The following KLHDC7B variants were observed in gnomAD, a reference collection of about 807,000 sequenced individuals.
The protein encoded by KLHDC7B is kelch domain-containing protein 7B.
KLHDC7B carries 1 observed loss-of-function variant against 0.6 expected under a neutral mutation model. The observed-to-expected ratio is 1.71, with a 90% CI of 0.61 to 8.11. The LOEUF is 8.11. Ranked by LOEUF, KLHDC7B falls within the 30% of genes most tolerant of loss-of-function variation. The pLI, the probability that KLHDC7B is intolerant of heterozygous loss-of-function variation, is 0.13. For missense variants in KLHDC7B, 993 were observed against 894.9 expected (o/e 1.11, Z -1.40); for synonymous variants, 462 against 405.2 (o/e 1.14, Z -1.68).
In KLHDC7B at chr22:50,548,782, C is replaced by T. The variant is rs776418848; in HGVS notation, c.2539C>T (p.Leu847=). The T allele has an allele frequency of 1.4e-6, 2 of 1,455,694 alleles. No individual in the cohort carries two copies. Among genetic ancestry groups the T allele is most frequent in the Non-Finnish European group, 9.0e-7 (1 of 1,109,694 alleles). 90.2% of individuals were successfully genotyped at this position (1,455,694 alleles called of 1,614,324 possible). The change falls in exon 1 of 1, where the codon CTG becomes TTG. Residue 847 remains leucine, a synonymous_variant. Coordinates refer to ENST00000648057, the MANE Select transcript of KLHDC7B (RefSeq NM_138433.5). This position sits in a 1 kb window ranked among gnomAD's most constrained non-coding sequence, Gnocchi z 5.3. ...EGPRKPSSRA[L]EPATAAALRR... ...GCCCCGGAAGCCCAGCTCCCGGGCC[C>T]TGGAGCCCGCCACGGCGGCAGCCCT... is the stretch of plus-strand genomic sequence containing the variant.
Position 50,548,528 on chromosome 22 carries a change from C to A in KLHDC7B, c.2285C>A (p.Ala762Glu), listed in dbSNP as rs777583262. 7 of 1,553,606 alleles carry A rather than the reference C, an allele frequency of 4.5e-6. No homozygotes were observed. The East Asian group carries it at 9.6e-5, about 21-fold the overall frequency. Residue 762 changes from alanine (A) to glutamate (E), a missense_variant, in exon 1 of 1, where the codon GCG (alanine) becomes GAG (glutamate). By Grantham distance (107) the Ala-to-Glu change is moderately radical. Transcript: ENST00000648057. This position sits in a 1 kb window ranked among gnomAD's most constrained non-coding sequence, Gnocchi z 5.3. Reference protein sequence around the residue: ...RPPGPAASSSARRSQPVPQLR... With the variant: ...RPPGPAASSSERRSQPVPQLR... ...CCTGGCCCCGCGGCCTCCTCCTCTGCGAGGCGCTCACAGCCGGTACCCCAG... is the reference window on the plus strand; with the variant it reads ...CCTGGCCCCGCGGCCTCCTCCTCTGAGAGGCGCTCACAGCCGGTACCCCAG...
chr22:50,547,754 C>T lies in KLHDC7B; in HGVS notation c.1511C>T (p.Ser504Leu). ...SATTSTSSPT[S>L]APAPAPTSAP... ...ACCACCTCAACCTCATCCCCCACCTCAGCCCCAGCCCCAGCTCCAACCTCA... is the reference window on the plus strand; with the variant it reads ...ACCACCTCAACCTCATCCCCCACCTTAGCCCCAGCCCCAGCTCCAACCTCA... Residue 504 changes from serine (S) to leucine (L), a missense_variant, in exon 1 of 1, where the codon TCA (serine) becomes TTA (leucine). Ser to Leu is a moderately radical substitution (Grantham distance 145, BLOSUM62 -2). Coordinates refer to ENST00000648057, the MANE Select transcript of KLHDC7B (RefSeq NM_138433.5). 2.0e-6 allele frequency: 1 copy of T among 501,094 alleles called. No individual in the cohort carries two copies. Among genetic ancestry groups the T allele is most frequent in the South Asian group, 3.3e-5 (1 of 30,090 alleles). 31.0% of individuals were successfully genotyped at this position (501,094 alleles called of 1,614,324 possible). A position where few individuals can be genotyped will look rare whatever the true frequency, so the allele number is the denominator to read the frequency against.
Position 50,549,932 on chromosome 22 carries a change from G to C in KLHDC7B, c.3689G>C (p.Arg1230Pro). The C allele has an allele frequency of 6.4e-7, 1 of 1,572,624 alleles. No individual in the cohort carries two copies. The highest frequency in any genetic ancestry group is 8.7e-7 in the Non-Finnish European group (1 of 1,154,970). The part of the protein sequence containing the change: ...PFILTLPPED[R>P]LQTSL ...ATCCTGACTCTGCCCCCTGAGGACC[G>C]GCTGCAGACCTCACTCTGAGTGGCA... The change falls in exon 1 of 1, where the codon CGG becomes CCG. Residue 1230 changes from arginine to proline, a missense_variant. Physicochemically the swap from Arg to Pro is moderately radical, Grantham distance 103 (BLOSUM62 -2). Transcript: ENST00000648057.
chr22:50,549,191 C>T lies in KLHDC7B; in HGVS notation c.2948C>T (p.Ala983Val). 1 of 1,606,222 alleles carries T rather than the reference C, an allele frequency of 6.2e-7. No homozygotes were observed. Among genetic ancestry groups the T allele is most frequent in the Non-Finnish European group, 8.5e-7 (1 of 1,179,730 alleles). ...WRPLTQVPEE[A>V]PLRGCGLCTM... is the part of the protein sequence containing the mutation. Reference sequence around the variant, plus strand: ...CCCCTGACCCAGGTGCCCGAGGAGGCCCCGCTTCGGGGCTGCGGTCTCTGC... The same window carrying T: ...CCCCTGACCCAGGTGCCCGAGGAGGTCCCGCTTCGGGGCTGCGGTCTCTGC... The change falls in exon 1 of 1, where the codon GCC becomes GTC. Residue 983 changes from alanine to valine, a missense_variant. By Grantham distance (64) the Ala-to-Val change is moderately conservative. Transcript: ENST00000648057.
chr22:50,546,739 A>T lies in KLHDC7B; in HGVS notation c.496A>T (p.Ser166Cys), dbSNP rs2069733193. ...PRPGTALLGRSEAGGMSAPLL... is the reference protein window; with the variant it reads ...PRPGTALLGRCEAGGMSAPLL... ...GCCAGGCACTGCCCTCCTGGGCAGGAGCGAAGCAGGGGGGATGTCCGCCCC... is the reference window on the plus strand; with the variant it reads ...GCCAGGCACTGCCCTCCTGGGCAGGTGCGAAGCAGGGGGGATGTCCGCCCC... Residue 166 changes from serine (S) to cysteine (C), a missense_variant, in exon 1 of 1, where the codon AGC becomes TGC. Coordinates refer to ENST00000648057, the MANE Select transcript of KLHDC7B (RefSeq NM_138433.5). 6.6e-6 allele frequency among the ~76,000 whole-genome samples: 1 copy of T among 152,106 alleles called. No individual in the cohort carries two copies. Among genetic ancestry groups the T allele is most frequent in the Non-Finnish European group, 1.5e-5 (1 of 67,988 alleles).
Position 50,546,208 on chromosome 22 carries a change from C to T in KLHDC7B, c.-36C>T, listed in dbSNP as rs1308436254. Among the ~76,000 whole-genome samples, 1 of 152,232 alleles carries T rather than the reference C, an allele frequency of 6.6e-6. No individual in the cohort carries two copies. Among genetic ancestry groups the T allele is most frequent in the African/African-American group, 2.4e-5 (1 of 41,468 alleles). On this transcript the variant is annotated 5_prime_UTR_variant, in exon 1 of 1. The change creates a premature stop within an existing upstream ORF in the 5' untranslated region. Transcript: ENST00000648057. The stretch of plus-strand genomic sequence containing the variant: ...GGCCTCTGTGCTCTGCATGCACTGC[C>T]AGCCTGCCATCAGGCCTCTATTGCA...
At position 50,546,013 on chromosome 22, in the gene KLHDC7B, G is replaced by A. The variant is rs2069725222; in HGVS notation, c.-231G>A. ...TGGTGGGGTGCTTGCAGAGACCCTG[G>A]GCTCCTATCCTGCCATAAGCCTCGC... On this transcript the variant is annotated 5_prime_UTR_variant, in exon 1 of 1. Coordinates refer to ENST00000648057, the MANE Select transcript of KLHDC7B (RefSeq NM_138433.5). Among the ~76,000 whole-genome samples the A allele has an allele frequency of 6.6e-6, 1 of 152,062 alleles. No individual in the cohort carries two copies. Among genetic ancestry groups the A allele is most frequent in the Non-Finnish European group, 1.5e-5 (1 of 67,992 alleles).
Position 50,550,231 on chromosome 22 carries a change from A to C in KLHDC7B, c.*280A>C. The stretch of plus-strand genomic sequence containing the variant: ...TTGCTGACACCCCCCTGTCTGTGGG[A>C]CTCCCTATTCCCTAGAGCCAGGGAC... On this transcript the variant is annotated 3_prime_UTR_variant, in exon 1 of 1. Coordinates refer to ENST00000648057, the MANE Select transcript of KLHDC7B (RefSeq NM_138433.5). 3 of 428,336 alleles carry C rather than the reference A, an allele frequency of 7.0e-6. No homozygotes were observed. Among genetic ancestry groups the C allele is most frequent in the South Asian group, 6.3e-5 (1 of 15,984 alleles). 26.5% of individuals were successfully genotyped at this position (428,336 alleles called of 1,614,324 possible).
chr22:50,549,902 C>A lies in KLHDC7B; in HGVS notation c.3659C>A (p.Pro1220Gln). The change falls in exon 1 of 1, where the codon CCA becomes CAA. Residue 1220 changes from proline (P) to glutamine (Q), a missense_variant. Physicochemically the swap from Pro to Gln is moderately conservative, Grantham distance 76. Coordinates refer to ENST00000648057, the MANE Select transcript of KLHDC7B (RefSeq NM_138433.5). ...TTGGGGAGCACCGGGGTCCTCAGTC[C>A]ATTCATCCTGACTCTGCCCCCTGAG... The part of the protein sequence containing the change: ...FPLGSTGVLS[P>Q]FILTLPPEDR... 6.3e-7 allele frequency: 1 copy of A among 1,589,948 alleles called. No homozygotes were observed. The highest frequency in any genetic ancestry group is 2.3e-5 in the East Asian group (1 of 43,866).
At position 50,549,744 on chromosome 22, in the gene KLHDC7B, G is replaced by GCCCCCCCC; in HGVS notation, c.1581_1582insCCCCCCCC (p.Ala528ProfsTer58). On this transcript the variant is annotated frameshift_variant, in exon 1 of 1. Transcript: ENST00000395676. LOFTEE classifies it low-confidence loss of function (END_TRUNC). ...GGAGCAGGGCTGCCTCCCTGCCCCT[G>GCCCCCCCC]CCCGCCCCCGCCCCACTGCACTGCA... is the stretch of plus-strand genomic sequence containing the variant. 3.9e-6 allele frequency: 6 copies of GCCCCCCCC among 1,554,572 alleles called. No individual in the cohort carries two copies. Among genetic ancestry groups the GCCCCCCCC allele is most frequent in the South Asian group, 2.3e-5 (2 of 87,650 alleles).
rs375918498 is a variant in KLHDC7B, at chr22:50,549,125, C to T, written c.2882C>T (p.Ala961Val). Reference protein sequence around the residue: ...AAAPVSLPLPAHLHVFNPREN... With the variant: ...AAAPVSLPLPVHLHVFNPREN... Reference sequence around the variant, plus strand: ...GCCCCTGTGTCCCTGCCTCTACCTGCGCACCTGCATGTGTTCAACCCCCGG... The same window carrying T: ...GCCCCTGTGTCCCTGCCTCTACCTGTGCACCTGCATGTGTTCAACCCCCGG... The change falls in exon 1 of 1, where the codon GCG (alanine) becomes GTG (valine). Residue 961 changes from alanine (A) to valine (V), a missense_variant. Coordinates refer to ENST00000648057, the MANE Select transcript of KLHDC7B (RefSeq NM_138433.5). The T allele has an allele frequency of 6.7e-5, 108 of 1,602,384 alleles. No homozygotes were observed. The highest frequency in any genetic ancestry group is 8.8e-5 in the Non-Finnish European group (104 of 1,179,772).
chr22:50,549,495 C>T lies in KLHDC7B; in HGVS notation c.3252C>T (p.His1084=), dbSNP rs1603442633. The T allele has an allele frequency of 2.5e-6, 4 of 1,612,368 alleles. No individual in the cohort carries two copies. Among genetic ancestry groups the T allele is most frequent in the East Asian group, 2.2e-5 (1 of 44,868 alleles). Residue 1084 remains histidine (H), a synonymous_variant, in exon 1 of 1, where the codon CAC becomes CAT. Transcript: ENST00000648057. The part of the protein sequence containing the change: ...PLPAGTFPVA[H]EAVACRGDIY... ...CCGCAGGCACCTTCCCTGTGGCCCA[C>T]GAGGCTGTGGCCTGCCGTGGGGACA...
At position 50,546,853 on chromosome 22, in the gene KLHDC7B, G is replaced by A. The variant is rs2069734742; in HGVS notation, c.610G>A (p.Gly204Ser). Residue 204 changes from glycine (G) to serine (S), a missense_variant, in exon 1 of 1, where the codon GGC (glycine) becomes AGC (serine). Coordinates refer to ENST00000648057, the MANE Select transcript of KLHDC7B (RefSeq NM_138433.5). ...CAGGGCGTCCTCTCGCCAGGCCGCA[G>A]GCCCCGCGGGGCAACAGGACACTGG... ...GVRASSRQAA[G>S]PAGQQDTGPW... Among the ~76,000 whole-genome samples the A allele has an allele frequency of 6.6e-6, 1 of 152,084 alleles. No homozygotes were observed. The highest frequency in any genetic ancestry group is 6.5e-5 in the Admixed American group (1 of 15,282).
rs1326873422 is a variant in KLHDC7B at position 50,547,665 on chromosome 22, A to T, written c.1422A>T (p.Ser474=). 1 of 411,086 alleles carries T rather than the reference A, an allele frequency of 2.4e-6. No homozygotes were observed. The highest frequency in any genetic ancestry group is 2.1e-5 in the African/African-American group (1 of 48,664). 25.5% of individuals were successfully genotyped at this position (411,086 alleles called of 1,614,324 possible). A position where few individuals can be genotyped will look rare whatever the true frequency, so the allele number is the denominator to read the frequency against. ...CAGCCTCAGCCCAAGTCTTAACTTC[A>T]GCTCCAGCCTCAGTCCTAGCCCCAG... ...PSSASAQVLT[S]APASVLAPAL... Residue 474 remains serine, a synonymous_variant, in exon 1 of 1, where the codon TCA becomes TCT. Transcript: ENST00000648057.
rs779727834 is a variant in KLHDC7B, at chr22:50,550,441, G to A, written c.*490G>A. 1.3e-4 allele frequency: 22 copies of A among 171,182 alleles called. 1 individual carries two copies. Among genetic ancestry groups the A allele is most frequent in the Non-Finnish European group, 2.8e-4 (20 of 71,112 alleles). The allele number at this position is 171,182 out of a possible 1,614,324, so 10.6% of individuals were successfully genotyped here. On this transcript the variant is annotated 3_prime_UTR_variant, in exon 1 of 1. Coordinates refer to ENST00000648057, the MANE Select transcript of KLHDC7B (RefSeq NM_138433.5). ...TAAGGCCTCCCCAGGTACCAACCCC[G>A]TAGCTATCTGGGTCTGTTTGGCACT...
rs1164345519 is a variant in KLHDC7B at position 50,546,128 on chromosome 22, G to A, written c.-116G>A. On this transcript the variant is annotated 5_prime_UTR_variant, in exon 1 of 1. Coordinates refer to ENST00000648057, the MANE Select transcript of KLHDC7B (RefSeq NM_138433.5). ...CACCATTCCCAGGCCCTGGAGGACT[G>A]GTCCACCTTAACTGGGCAGCCCTTG... Among the ~76,000 whole-genome samples the A allele has an allele frequency of 6.6e-6, 1 of 152,188 alleles. No homozygotes were observed. The highest frequency in any genetic ancestry group is 1.5e-5 in the Non-Finnish European group (1 of 68,042).
rs1212231311 is a variant in KLHDC7B at position 50,546,399 on chromosome 22, A to G, written c.156A>G (p.Gln52=). ...ACTGGTTTGGCTCCGGGCACGATCAAGAGGCGGCAGAACCGGTGTCCACAG... is the reference window on the plus strand; with the variant it reads ...ACTGGTTTGGCTCCGGGCACGATCAGGAGGCGGCAGAACCGGTGTCCACAG... The part of the protein sequence containing the change: ...ALHWFGSGHD[Q]EAAEPVSTAL... The change falls in exon 1 of 1, where the codon CAA becomes CAG. Residue 52 remains glutamine, a synonymous_variant. Coordinates refer to ENST00000648057, the MANE Select transcript of KLHDC7B (RefSeq NM_138433.5). The G allele has an allele frequency of 5.0e-6, 2 of 399,260 alleles. No individual in the cohort carries two copies. Among genetic ancestry groups the G allele is most frequent in the East Asian group, 3.6e-5 (1 of 28,090 alleles). 24.7% of individuals were successfully genotyped at this position (399,260 alleles called of 1,614,324 possible).
Position 50,549,434 on chromosome 22 carries a change from C to G in KLHDC7B, c.3191C>G (p.Pro1064Arg). 6.2e-7 allele frequency: 1 copy of G among 1,612,716 alleles called. No homozygotes were observed. The highest frequency in any genetic ancestry group is 8.5e-7 in the Non-Finnish European group (1 of 1,179,918). The change falls in exon 1 of 1, where the codon CCG becomes CGG. Residue 1064 changes from proline (P) to arginine (R), a missense_variant. Physicochemically the swap from Pro to Arg is moderately radical, Grantham distance 103. Transcript: ENST00000648057. ...CTGTACAGCATGGAGTGCTACGACC[C>G]GCGAACAGACGCCTGGACCCCACGC... is the stretch of plus-strand genomic sequence containing the variant. Reference protein sequence around the residue: ...ECLYSMECYDPRTDAWTPRAP... With the variant: ...ECLYSMECYDRRTDAWTPRAP...
At position 50,548,651 on chromosome 22, in the gene KLHDC7B, G is replaced by C. The variant is rs569249337; in HGVS notation, c.2408G>C (p.Gly803Ala). The C allele has an allele frequency of 2.0e-6, 3 of 1,527,674 alleles. No homozygotes were observed. The highest frequency in any genetic ancestry group is 2.1e-5 in the Admixed American group (1 of 47,434). The allele number at this position is 1,527,674 out of a possible 1,614,324, so 94.6% of individuals were successfully genotyped here. A position where few individuals can be genotyped will look rare whatever the true frequency, so the allele number is the denominator to read the frequency against. The change falls in exon 1 of 1, where the codon GGG becomes GCG. Residue 803 changes from glycine (G) to alanine (A), a missense_variant. Physicochemically the swap from Gly to Ala is moderately conservative, Grantham distance 60. Coordinates refer to ENST00000648057, the MANE Select transcript of KLHDC7B (RefSeq NM_138433.5). This position sits in a 1 kb window ranked among gnomAD's most constrained non-coding sequence, Gnocchi z 5.3. ...GDPQGEAPGE[G>A]GSPAGRSGAL... ...CCTCAAGGGGAGGCGCCGGGGGAGG[G>C]GGGCAGCCCTGCCGGCCGCAGCGGG...
Sources: gnomAD v4.1 joint callset for allele counts (sites outside exome capture counted in the v4.1 genomes callset) on GRCh38, gnomAD v4.1.1 for gene constraint, Gnocchi (gnomAD v3.1) non-coding constraint, MANE v1.5 for transcripts, NCBI Gene and HGNC (gene_info 2026-07-23, HGNC 2026-07-21) for gene names.